The following ANKAR variants were observed in gnomAD, a reference collection of about 807,000 sequenced individuals.
ANKAR encodes the protein ankyrin and armadillo repeat containing.
In ANKAR, 136 loss-of-function variants were observed where a neutral mutation model predicts 146.2. The observed-to-expected ratio is 0.93, with a 90% CI of 0.81 to 1.07. The LOEUF is 1.07. Ranked by LOEUF, ANKAR falls within the 50% of genes least tolerant of loss-of-function variation. The pLI, the probability that ANKAR is intolerant of heterozygous loss-of-function variation, is 0.00. For synonymous variants in ANKAR, 500 were observed against 575.8 expected, an observed-to-expected ratio of 0.87 and a Z score of 1.88; for missense variants, 1,567 against 1,679.9, an observed-to-expected ratio of 0.93 and a Z score of 1.18.
chr2:189,743,545 A>C, intron 21 of ANKAR, 71 bp downstream of exon 21: 4 of 1,345,562 alleles, frequency 3.0e-6, no homozygotes, highest in Non-Finnish European at 3.1e-6. Flanking sequence ...GTTTAGTAAG[A>C]TCCAACAAGA....
chr2:189,736,502 T>TTTTTTTTGTGTG (rs1422561376), intron 17 of ANKAR, among the ~76,000 whole-genome samples: 1 of 141,986 alleles, frequency 7.0e-6, no homozygotes, highest in African/African-American at 2.6e-5. Flanking sequence ...TGACTGGGTT[T>TTTTTTTTGTGTG]TGTGTGTGTG....
intron 10 of ANKAR, among the ~76,000 whole-genome samples, chr2:189,717,909 G>A (rs1398084218): frequency 1.3e-5 from 2 of 152,104 alleles, no homozygotes; most frequent in Non-Finnish European, 2.9e-5. Flanking sequence ...GACACAGGGT[G>A]GGAAACATCA....
At position 189,720,625 on chromosome 2, in the gene ANKAR, A is replaced by G. The variant is rs767863528; in HGVS notation, c.2473A>G (p.Ile825Val). 3 of 1,346,664 alleles carry G rather than the reference A, an allele frequency of 2.2e-6. No homozygotes were observed. Among genetic ancestry groups the G allele is most frequent in the Admixed American group, 5.9e-5 (2 of 33,736 alleles). The allele number at this position is 1,346,664 out of a possible 1,614,324, so 83.4% of individuals were successfully genotyped here. ...NKDVIAKYNG[I>V]PSLINLLNLN... is the part of the protein sequence containing the mutation. ...TTTTTTTGTTTATTTTTAGAATGGAATCCCAAGCCTGATAAATCTATTGAA... is the reference window on the plus strand; with the variant it reads ...TTTTTTTGTTTATTTTTAGAATGGAGTCCCAAGCCTGATAAATCTATTGAA... Residue 825 changes from isoleucine (I) to valine (V), a missense_variant, in exon 12 of 23, where the codon ATC becomes GTC. Coordinates refer to ENST00000684021, the MANE Select transcript of ANKAR (RefSeq NM_001378068.1).
At chr2:189,706,053 G>T (rs372927371) in intron 8 of ANKAR, among the ~76,000 whole-genome samples, 1 of 151,208 alleles carries the variant, frequency 6.6e-6, no homozygotes, top group African/African-American at 2.4e-5. Context: ...GAGGAAGCTG[G>T]TGTCCCTCAG....
intron 8 of ANKAR, among the ~76,000 whole-genome samples, chr2:189,706,028 A>T (rs1365056024): frequency 6.6e-6 from 1 of 151,168 alleles, no homozygotes; most frequent in Non-Finnish European, 1.5e-5. Flanking sequence ...TGCTCTTAAC[A>T]TGTGGAAGCC....
chr2:189,692,682 G>C (rs772888427), intron 4 of ANKAR: 16 of 321,864 alleles, frequency 5.0e-5, no homozygotes, highest in Non-Finnish European at 7.8e-5. Context: ...ACTTCTAATG[G>C]ACTATATTTG....
At chr2:189,741,181 G>A (rs945820396) in intron 19 of ANKAR, among the ~76,000 whole-genome samples, 161 bp from the exon 20 acceptor site, 2 of 152,118 alleles carry the variant, frequency 1.3e-5, no homozygotes, top group African/African-American at 4.8e-5. Flanking sequence ...ATTTTGGGGA[G>A]TTTATTCTAT....
At chr2:189,742,521 G>C (rs2043433469) in intron 20 of ANKAR, among the ~76,000 whole-genome samples, 1 of 151,948 alleles carries the variant, frequency 6.6e-6, no homozygotes. Flanking sequence ...GGAAAAGTGA[G>C]TTGCTCTTGT....
intron 12 of ANKAR, among the ~76,000 whole-genome samples, chr2:189,725,154 C>G (rs1421806724): frequency 1.3e-5 from 2 of 151,844 alleles, no homozygotes; most frequent in Non-Finnish European, 2.9e-5. Flanking sequence ...AAGAAATGTG[C>G]AGAATGTAGG....
chr2:189,701,171 A>G (rs1357261956), intron 7 of ANKAR, among the ~76,000 whole-genome samples: 1 of 151,904 alleles, frequency 6.6e-6, no homozygotes, highest in Non-Finnish European at 1.5e-5. Flanking sequence ...TGTTTTAAAT[A>G]TTTCTTCTTT....
At chr2:189,691,403 T>C (rs1242798776) in intron 3 of ANKAR, among the ~76,000 whole-genome samples, 1 of 152,202 alleles carries the variant, frequency 6.6e-6, no homozygotes, top group Non-Finnish European at 1.5e-5. Context: ...TTCATTACTT[T>C]CCAGAAATAT....
At chr2:189,723,088 T>C (rs1320006232) in intron 12 of ANKAR, among the ~76,000 whole-genome samples, 6 of 152,142 alleles carry the variant, frequency 3.9e-5, no homozygotes, top group Non-Finnish European at 8.8e-5. Context: ...GTTAGCTGGG[T>C]TGTTAAGGTA....
intron 5 of ANKAR, among the ~76,000 whole-genome samples, chr2:189,694,057 C>G (rs1400361776): frequency 3.3e-5 from 5 of 151,912 alleles, no homozygotes; most frequent in Admixed American, 2.0e-4. Context: ...CCATAAGACC[C>G]TATCTCTACA....
intron 18 of ANKAR, chr2:189,755,388 A>T: frequency 6.2e-7 from 1 of 1,613,302 alleles, no homozygotes; most frequent in Non-Finnish European, 8.5e-7. Flanking sequence ...ACCAGCTGTA[A>T]GCTAAATGAT....
chr2:189,735,211 C>T (rs2042740781), intron 17 of ANKAR, among the ~76,000 whole-genome samples: 1 of 151,988 alleles, frequency 6.6e-6, no homozygotes, highest in Admixed American at 6.6e-5. Context: ...CCTTCCTTCC[C>T]AGTTTGTTAC....
chr2:189,705,191 A>G lies in ANKAR; in HGVS notation c.1877A>G (p.Asp626Gly), dbSNP rs764594846. ...VCIIIALCRK[D>G]PSLLEAEATA... ...ATCATTATTGCTCTCTGTAGGAAGG[A>G]TCCTAGTTTGCTAGAAGCTGAGGCA... Residue 626 changes from aspartate to glycine, a missense_variant, in exon 8 of 23, where the codon GAT becomes GGT. By Grantham distance (94) the Asp-to-Gly change is moderately conservative. Coordinates refer to ENST00000684021, the MANE Select transcript of ANKAR (RefSeq NM_001378068.1). 1.7e-5 allele frequency: 28 copies of G among 1,614,030 alleles called. No individual in the cohort carries two copies. The African/African-American group carries it at 3.5e-4, about 20-fold the overall frequency.
chr2:189,694,851 T>A, intron 5 of ANKAR, 130 bp from the exon 6 acceptor site: 1 of 533,990 alleles, frequency 1.9e-6, no homozygotes, highest in Non-Finnish European at 3.1e-6. Flanking sequence ...TACTTACAGT[T>A]GACTACAATT....
chr2:189,682,988 G>A (rs181859871), intron 2 of ANKAR, among the ~76,000 whole-genome samples: 2 of 152,314 alleles, frequency 1.3e-5, no homozygotes, highest in Admixed American at 1.3e-4. Flanking sequence ...TGGGACCATT[G>A]GAGGGTGATT....
chr2:189,700,433 A>G (rs917057471), intron 7 of ANKAR, among the ~76,000 whole-genome samples: 3 of 152,212 alleles, frequency 2.0e-5, no homozygotes, highest in African/African-American at 7.2e-5. Flanking sequence ...CATAGTAGGC[A>G]TATATACTTG....
Sources: gnomAD v4.1 joint callset for allele counts (sites outside exome capture counted in the v4.1 genomes callset) on GRCh38, gnomAD v4.1.1 for gene constraint, MANE v1.5 for transcripts, NCBI Gene and HGNC (gene_info 2026-07-23, HGNC 2026-07-21) for gene names.